Variants in ZNF331 observed in about 807,000 individuals in gnomAD.
The protein encoded by ZNF331 is C2H2-like zinc finger protein rearranged in thyroid adenomas.
In ZNF331, 2 loss-of-function variants were observed where a neutral mutation model predicts 7.0. That is an observed-to-expected ratio of 0.29 (90% CI 0.12 to 0.90). The LOEUF is 0.90. Among genes scored for constraint, ZNF331 ranks in the 40% least tolerant of loss-of-function variants. ZNF331 has a pLI of 0.58. For missense variants in ZNF331, 432 were observed against 587.7 expected (o/e 0.74, Z 2.74); for synonymous variants, 196 against 205.4 (o/e 0.95, Z 0.39).
upstream of ZNF331, among the ~76,000 whole-genome samples, chr19:53,518,580 A>G (rs1284523): frequency 0.59 from 90,422 of 152,220 alleles, 28,317 homozygotes; most frequent in African/African-American, 0.81. Flanking sequence ...AGAGCCATAG[A>G]CACGCAGGCT....
At chr19:53,503,239 G>C in the ZNF331 span, among the ~76,000 whole-genome samples, 4 of 152,064 alleles carry the variant, frequency 2.6e-5, no homozygotes, top group Admixed American at 6.6e-5. Context: ...CGGGATCTCG[G>C]CTCGCTGCAG....
chr19:53,534,799 C>T (rs1031524555), upstream of ZNF331, among the ~76,000 whole-genome samples: 1 of 152,026 alleles, frequency 6.6e-6, no homozygotes, highest in African/African-American at 2.4e-5. Context: ...CATCTGCAAC[C>T]TTCTTTATCT....
intron 2 of ZNF331, among the ~76,000 whole-genome samples, chr19:53,541,742 A>G (rs995849278): frequency 1.3e-5 from 2 of 152,178 alleles, no homozygotes; most frequent in Admixed American, 1.3e-4. Flanking sequence ...TCACTGATGA[A>G]CATTTTAAAT....
intron 3 of ZNF331, among the ~76,000 whole-genome samples, chr19:53,564,074 CTTTTTTTTTTT>C (rs1205257105): frequency 2.1e-5 from 2 of 94,676 alleles, no homozygotes; most frequent in Non-Finnish European, 3.8e-5. Context: ...AGCCTGCATT[CTTTTTTTTTTT>C]TTTTTTTTTT....
chr19:53,557,879 G>A (rs999775012), intron 3 of ZNF331, among the ~76,000 whole-genome samples: 2 of 152,148 alleles, frequency 1.3e-5, no homozygotes, highest in East Asian at 1.9e-4. Flanking sequence ...CAGGAGAATC[G>A]CTTGAACCTG....
At chr19:53,505,478 C>T in the ZNF331 span, among the ~76,000 whole-genome samples, 5 of 152,064 alleles carry the variant, frequency 3.3e-5, no homozygotes, top group Admixed American at 6.6e-5. Context: ...GGATTACAGA[C>T]GTGAGCCACC....
At chr19:53,576,090 T>C (rs1425605195) in intron 5 of ZNF331, among the ~76,000 whole-genome samples, 3 of 152,120 alleles carry the variant, frequency 2.0e-5, no homozygotes, top group African/African-American at 7.2e-5. Context: ...GTTCAAGCAA[T>C]TTCCCTGCCT....
chr19:53,562,109 C>T (rs1230536769), intron 3 of ZNF331, among the ~76,000 whole-genome samples: 3 of 152,052 alleles, frequency 2.0e-5, no homozygotes, highest in Non-Finnish European at 4.4e-5. Flanking sequence ...GATTGTGCCA[C>T]AGCATTCCAG....
upstream of ZNF331, among the ~76,000 whole-genome samples, chr19:53,534,073 C>T (rs532555390): frequency 9.9e-5 from 15 of 152,206 alleles, no homozygotes; most frequent in East Asian, 1.2e-3. Flanking sequence ...GCAGCCAAAA[C>T]GGACTAAGAC....
intron 3 of ZNF331, among the ~76,000 whole-genome samples, chr19:53,567,620 G>C (rs945022037): frequency 3.3e-5 from 5 of 151,970 alleles, no homozygotes; most frequent in African/African-American, 1.2e-4. Flanking sequence ...GCTAAGGTGG[G>C]AAGCTCACTT....
In ZNF331 at chr19:53,577,777, C is replaced by G. The variant is rs1240722477; in HGVS notation, c.1217C>G (p.Thr406Ser). 1.9e-6 allele frequency: 3 copies of G among 1,613,874 alleles called. No individual in the cohort carries two copies. In the African/African-American group the frequency reaches 4.0e-5, roughly 22 times the overall value. The part of the protein sequence containing the change: ...SSLVKHERIH[T>S]GVKPYGCTEC... Reference sequence around the variant, plus strand: ...CTCGTGAAACATGAGAGAATTCATACCGGGGTGAAACCCTATGGGTGTACA... The same window carrying G: ...CTCGTGAAACATGAGAGAATTCATAGCGGGGTGAAACCCTATGGGTGTACA... The change falls in exon 6 of 6, where the codon ACC becomes AGC. Residue 406 changes from threonine to serine, a missense_variant. By Grantham distance (58) the Thr-to-Ser change is moderately conservative (BLOSUM62 1). Around this residue, in one of 3 missense-constraint regions of ZNF331, gnomAD observed 312 missense variants for 448.6 expected, o/e 0.70. Coordinates refer to ENST00000449416, the MANE Select transcript of ZNF331 (RefSeq NM_001079906.2).
rs375501974 is a variant in ZNF331, at chr19:53,558,890, A to T, written c.-74+2982A>T. 2.0e-5 allele frequency among the ~76,000 whole-genome samples: 3 copies of T among 146,746 alleles called. No homozygotes were observed. The highest frequency in any genetic ancestry group is 4.5e-5 in the Non-Finnish European group (3 of 66,556). ...ACACACATACCCCATATATACACACATATACACACCTATACACACCTACAT... is the reference window on the plus strand; with the variant it reads ...ACACACATACCCCATATATACACACTTATACACACCTATACACACCTACAT... On this transcript the variant is annotated intron_variant, in intron 3 of 5. Transcript: ENST00000449416. This position sits in a 1 kb window ranked among gnomAD's most constrained non-coding sequence, Gnocchi z 4.5.
the ZNF331 span, among the ~76,000 whole-genome samples, chr19:53,506,442 C>G: frequency 3.1e-4 from 20 of 65,218 alleles, no homozygotes; most frequent in African/African-American, 6.8e-4. Context: ...CTCTCTCTCT[C>G]TGTCTCTCTC....
intron 2 of ZNF331, among the ~76,000 whole-genome samples, chr19:53,549,793 C>T (rs1252006822): frequency 6.6e-6 from 1 of 151,672 alleles, no homozygotes; most frequent in African/African-American, 2.4e-5. Flanking sequence ...TTCCTTCCTT[C>T]CTATCTTTAG....
chr19:53,509,278 T>C, the ZNF331 span, among the ~76,000 whole-genome samples: 8 of 152,210 alleles, frequency 5.3e-5, no homozygotes, highest in African/African-American at 1.9e-4. Flanking sequence ...TAGAGATGAA[T>C]GTATGTTTAT....
Position 53,579,107 on chromosome 19 carries a change from A to G in ZNF331, c.*1155A>G. The G allele has an allele frequency of 5.1e-6, 1 of 197,852 alleles. No individual in the cohort carries two copies. The highest frequency in any genetic ancestry group is 1.0e-5 in the Non-Finnish European group (1 of 95,550). 12.3% of individuals were successfully genotyped at this position (197,852 alleles called of 1,614,324 possible). On this transcript the variant is annotated 3_prime_UTR_variant, in exon 6 of 6. Coordinates refer to ENST00000449416, the MANE Select transcript of ZNF331 (RefSeq NM_001079906.2). ...AGCCACTGCACCTAGCCCACTGATC[A>G]CTCTTCTGCTTACAGAATATCAGAA...
chr19:53,503,932 C>G, the ZNF331 span: 3 of 648,792 alleles, frequency 4.6e-6, no homozygotes, highest in Non-Finnish European at 5.7e-6. Context: ...TGACGCGGCA[C>G]TGCTGTCCTT....
intron 2 of ZNF331, among the ~76,000 whole-genome samples, chr19:53,548,526 G>A (rs2088776808): frequency 6.6e-6 from 1 of 152,122 alleles, no homozygotes; most frequent in Non-Finnish European, 1.5e-5. Context: ...CAAAGTTCTG[G>A]GATTACAGGT....
chr19:53,562,910 C>T (rs2089966112), intron 3 of ZNF331, among the ~76,000 whole-genome samples: 1 of 151,142 alleles, frequency 6.6e-6, no homozygotes, highest in African/African-American at 2.4e-5. Flanking sequence ...ATCGCTTGAA[C>T]TCGGGAGGCA....
Sources: allele counts gnomAD v4.1 joint callset (sites outside exome capture counted in the v4.1 genomes callset), GRCh38; gene constraint gnomAD v4.1.1; regional missense constraint gnomAD v4.1.1; non-coding constraint Gnocchi (gnomAD v3.1); transcripts MANE v1.5; gene names NCBI Gene and HGNC (gene_info 2026-07-23, HGNC 2026-07-21).